GPHN: variants seen among roughly 807,000 people sequenced by gnomAD.
The protein encoded by GPHN is gephyrin.
In GPHN, 17 loss-of-function variants were observed where a neutral mutation model predicts 95.5. That is an observed-to-expected ratio of 0.18 (90% CI 0.12 to 0.27). The LOEUF is 0.27. Ranked by LOEUF, GPHN falls within the 10% of genes least tolerant of loss-of-function variation. The pLI is 1.00. For synonymous variants in GPHN, 320 were observed against 322.5 expected (o/e 0.99, Z 0.08); for missense variants, 660 against 978.1 (o/e 0.67, Z 4.34).
At position 66,704,566 on chromosome 14, in the gene GPHN, G is replaced by A. The variant is rs535957655; in HGVS notation, c.143+23381G>A. On this transcript the variant is annotated intron_variant, in intron 2 of 22. Transcript: ENST00000478722. The stretch of plus-strand genomic sequence containing the variant: ...CAACCTGCTCCAGAATGACTCCTGG[G>A]TAAATAATGAAATTAAGGCAGAATT... Among the ~76,000 whole-genome samples, 5 of 152,100 alleles carry A rather than the reference G, an allele frequency of 3.3e-5. No homozygotes were observed. In the South Asian group the frequency reaches 1.0e-3, roughly 32 times the overall value.
At chr14:67,642,270 G>T in the GPHN span, 1 of 1,614,108 alleles carries the variant, frequency 6.2e-7, no homozygotes, top group East Asian at 2.2e-5. Context: ...GTGAATCCAC[G>T]CTCAGTGGGT....
chr14:66,767,502 G>T (rs900619615), intron 2 of GPHN, among the ~76,000 whole-genome samples: 32 of 151,664 alleles, frequency 2.1e-4, no homozygotes, highest in African/African-American at 7.2e-4. Flanking sequence ...ATAATTCTGG[G>T]ATTGAGCCTA....
At chr14:66,703,580 C>T (rs2153416531) in intron 2 of GPHN, among the ~76,000 whole-genome samples, 1 of 98,736 alleles carries the variant, frequency 1.0e-5, no homozygotes, top group Non-Finnish European at 1.7e-5. Flanking sequence ...TCCAGAGAAG[C>T]AAATGCTGAG....
chr14:67,204,050 G>A, the GPHN span, among the ~76,000 whole-genome samples: 1 of 152,090 alleles, frequency 6.6e-6, no homozygotes, highest in African/African-American at 2.4e-5. Context: ...TTAGGCATAT[G>A]ATTAAGATGA....
At chr14:67,411,905 G>A in the GPHN span, 32 of 966,970 alleles carry the variant, frequency 3.3e-5, no homozygotes, top group Middle Eastern at 8.6e-4. Context: ...CATGGGGGTT[G>A]GGGATGGGAA....
chr14:66,647,930 G>T (rs181429886), intron 1 of GPHN, among the ~76,000 whole-genome samples: 43 of 152,286 alleles, frequency 2.8e-4, no homozygotes, highest in Non-Finnish European at 8.8e-5. Context: ...AAAGGAAGTT[G>T]CTATTACCTG....
the GPHN span, among the ~76,000 whole-genome samples, chr14:67,720,474 C>T: frequency 6.6e-6 from 1 of 152,206 alleles, no homozygotes; most frequent in Non-Finnish European, 1.5e-5. Context: ...GGTTTCATTT[C>T]TCATACTTAC....
At chr14:66,854,204 C>T (rs1426597041) in intron 4 of GPHN, among the ~76,000 whole-genome samples, 1 of 152,176 alleles carries the variant, frequency 6.6e-6, no homozygotes, top group African/African-American at 2.4e-5. Flanking sequence ...ATGTTGCCAT[C>T]ACAGGAGTAG....
At chr14:67,540,772 G>A in the GPHN span, among the ~76,000 whole-genome samples, 2 of 152,074 alleles carry the variant, frequency 1.3e-5, no homozygotes, top group Non-Finnish European at 2.9e-5. Context: ...CCTATAAGGG[G>A]GATTTGAAAA....
intron 1 of GPHN, among the ~76,000 whole-genome samples, chr14:66,633,806 T>C (rs188374700): frequency 3.3e-5 from 5 of 152,298 alleles, no homozygotes; most frequent in African/African-American, 4.8e-5. Flanking sequence ...TCAGATTGCT[T>C]ATTATTTTGG....
intron 4 of GPHN, among the ~76,000 whole-genome samples, chr14:66,833,105 C>T (rs908907511): frequency 6.6e-6 from 1 of 152,126 alleles, no homozygotes; most frequent in Admixed American, 6.6e-5. Context: ...AGTCTGTTCT[C>T]ACATCGCTAA....
chr14:67,585,594 C>T, the GPHN span: 9 of 1,584,662 alleles, frequency 5.7e-6, no homozygotes, highest in African/African-American at 5.4e-5. Flanking sequence ...CCAAGGAGAA[C>T]GCTCTGGTGT....
chr14:67,335,761 T>C, the GPHN span: 2 of 152,670 alleles, frequency 1.3e-5, no homozygotes, highest in African/African-American at 4.8e-5. Flanking sequence ...TGAGATGTCA[T>C]ACTGTACACT....
intron 10 of GPHN, among the ~76,000 whole-genome samples, chr14:67,024,604 A>G (rs1005189783): frequency 6.6e-6 from 1 of 152,220 alleles, no homozygotes; most frequent in Admixed American, 6.5e-5. Flanking sequence ...AGCAAAGGCA[A>G]AAAGATACAT....
chr14:67,294,735 CGA>C, the GPHN span: 1 of 151,850 alleles, frequency 6.6e-6, no homozygotes, highest in East Asian at 1.9e-4. Context: ...TGCAGTGGCA[CGA>C]TCTCAGCTCA....
chr14:66,975,911 A>G (rs2070182377), intron 9 of GPHN, among the ~76,000 whole-genome samples: 1 of 152,022 alleles, frequency 6.6e-6, no homozygotes, highest in Non-Finnish European at 1.5e-5. Flanking sequence ...GGACTAGTTG[A>G]CCTCAGTTTC....
the GPHN span, among the ~76,000 whole-genome samples, chr14:67,261,778 G>A: frequency 6.6e-6 from 1 of 151,798 alleles, no homozygotes; most frequent in East Asian, 1.9e-4. Context: ...GTTTTTTTTA[G>A]GTACTTTGAG....
At chr14:67,300,336 C>CTTTTTTTTTTTTTTTTTTTTTTT in the GPHN span, among the ~76,000 whole-genome samples, 6 of 139,092 alleles carry the variant, frequency 4.3e-5, no homozygotes, top group African/African-American at 8.4e-5. Flanking sequence ...TATGAATTAC[C>CTTTTTTTTTTTTTTTTTTTTTTT]TTTTTTTTTT....
intron 4 of GPHN, among the ~76,000 whole-genome samples, chr14:66,826,962 T>A (rs968079728): frequency 3.3e-5 from 5 of 152,034 alleles, no homozygotes; most frequent in African/African-American, 1.2e-4. Context: ...CCCTAAGTCG[T>A]CTCATTAGCA....
Sources: gnomAD v4.1 joint callset for allele counts (sites outside exome capture counted in the v4.1 genomes callset) on GRCh38, gnomAD v4.1.1 for gene constraint, MANE v1.5 for transcripts, NCBI Gene and HGNC (gene_info 2026-07-23, HGNC 2026-07-21) for gene names.